Variants in SLC16A3 observed in about 807,000 individuals in gnomAD.
The protein encoded by SLC16A3 is solute carrier family 16 member 3.
A neutral mutation model predicts 25.0 loss-of-function variants in SLC16A3; 22 were observed. That is an observed-to-expected ratio of 0.88 (90% confidence interval 0.63 to 1.26). The LOEUF (loss-of-function observed/expected upper bound fraction) is 1.26. Among genes scored for constraint, SLC16A3 ranks in the 50% most tolerant of loss-of-function variants. The pLI, the probability that SLC16A3 is intolerant of heterozygous loss-of-function variation, is 0.00. For missense variants in SLC16A3, 731 were observed against 666.6 expected (o/e 1.10, Z -1.06); for synonymous variants, 390 against 309.2 (o/e 1.26, Z -2.74).
intron 1 of SLC16A3, among the ~76,000 whole-genome samples, chr17:82,222,827 T>G (rs1051649639): frequency 7.9e-5 from 11 of 138,716 alleles, no homozygotes; most frequent in Admixed American, 5.0e-4. Context: ...AAAAAAGGAA[T>G]GAAGCACTGA....
chr17:82,218,836 C>T (rs935143975), intron 1 of SLC16A3, among the ~76,000 whole-genome samples: 2 of 152,180 alleles, frequency 1.3e-5, no homozygotes, highest in Non-Finnish European at 2.9e-5. Flanking sequence ...CACTCACCTG[C>T]ATCTGTTCCA....
In SLC16A3 at chr17:82,238,817, G is replaced by A. The variant is rs2050688594; in HGVS notation, c.1239G>A (p.Lys413=). ...GCAACTTCTTCTGCATTAGGAAGAA[G>A]CCCAAAGAGCCACAGCCTGAGGTGG... The part of the protein sequence containing the change: ...LLGNFFCIRK[K]PKEPQPEVAA... Residue 413 remains lysine, a synonymous_variant, in exon 5 of 5, where the codon AAG becomes AAA. Coordinates refer to ENST00000582743, the MANE Select transcript of SLC16A3 (RefSeq NM_004207.4). The A allele has an allele frequency of 1.9e-6, 3 of 1,612,908 alleles. No individual in the cohort carries two copies. Among genetic ancestry groups the A allele is most frequent in the Non-Finnish European group, 2.5e-6 (3 of 1,179,952 alleles).
At position 82,238,254 on chromosome 17, in the gene SLC16A3, G is replaced by A. The variant is rs549661450; in HGVS notation, c.1123+361G>A. Reference sequence around the variant, plus strand: ...GAAGGATGACTGAGCTAACACGTGAGGGAAATTAAGTTCTGACTGGAGCAG... The same window carrying A: ...GAAGGATGACTGAGCTAACACGTGAAGGAAATTAAGTTCTGACTGGAGCAG... On this transcript the variant is annotated intron_variant, in intron 4 of 4. Transcript: ENST00000582743. 2.6e-5 allele frequency among the ~76,000 whole-genome samples: 4 copies of A among 152,348 alleles called. No individual in the cohort carries two copies. The South Asian group carries it at 8.3e-4, about 32-fold the overall frequency.
At chr17:82,234,087 G>C (rs540220583) in intron 1 of SLC16A3, 6 of 152,142 alleles carry the variant, frequency 3.9e-5, no homozygotes, top group Non-Finnish European at 8.8e-5. Flanking sequence ...TGATCCGCCC[G>C]CCTTGGCCCC....
intron 1 of SLC16A3, among the ~76,000 whole-genome samples, chr17:82,223,324 C>T (rs4458054): frequency 1.3e-4 from 20 of 151,904 alleles, no homozygotes; most frequent in Non-Finnish European, 2.4e-4. Flanking sequence ...TTGGGATTAC[C>T]GGCATGTGCC....
At chr17:82,226,861 C>T (rs1006724747), upstream of SLC16A3, among the ~76,000 whole-genome samples, 39 of 152,152 alleles carry the variant, frequency 2.6e-4, no homozygotes, top group Non-Finnish European at 5.9e-5. Context: ...AAGTGGCCTG[C>T]TTGATAGCTG....
chr17:82,230,875 C>T (rs1408074910), intron 1 of SLC16A3: 2 of 152,116 alleles, frequency 1.3e-5, no homozygotes, highest in Admixed American at 6.5e-5. Flanking sequence ...GCAACGGAAC[C>T]GAACCGCCGG....
chr17:82,234,303 G>A (rs1342910743), intron 1 of SLC16A3: 1 of 151,760 alleles, frequency 6.6e-6, no homozygotes, highest in African/African-American at 2.4e-5. Flanking sequence ...ACTCTGTCCT[G>A]TCCCAGGCAC....
Position 82,238,873 on chromosome 17 carries a change from C to G in SLC16A3, c.1295C>G (p.Pro432Arg), listed in dbSNP as rs150832988. 6.2e-7 allele frequency: 1 copy of G among 1,610,244 alleles called. No homozygotes were observed. Among genetic ancestry groups the G allele is most frequent in the African/African-American group, 1.3e-5 (1 of 75,042 alleles). ...GCGGAGGAGGAGAAGCTCCACAAGC[C>G]TCCTGCAGACTCGGGGGTGGACTTG... ...AAAEEEKLHKPPADSGVDLRE... is the reference protein window; with the variant it reads ...AAAEEEKLHKRPADSGVDLRE... Residue 432 changes from proline to arginine, a missense_variant, in exon 5 of 5, where the codon CCT (proline) becomes CGT (arginine). Transcript: ENST00000582743.
intron 1 of SLC16A3, among the ~76,000 whole-genome samples, chr17:82,219,889 G>A (rs2050378637): frequency 2.0e-5 from 3 of 152,152 alleles, no homozygotes; most frequent in Non-Finnish European, 2.9e-5. Context: ...TCCAAGGAGG[G>A]CAGAGGAAAC....
upstream of SLC16A3, among the ~76,000 whole-genome samples, chr17:82,226,938 T>A (rs985252811): frequency 6.6e-5 from 10 of 150,956 alleles, no homozygotes; most frequent in African/African-American, 2.2e-4. Context: ...AGCCATCACA[T>A]CACTGTGACC....
intron 4 of SLC16A3, 86 bp downstream of exon 4, chr17:82,237,979 G>T (rs563428680): frequency 6.9e-7 from 1 of 1,455,538 alleles, no homozygotes; most frequent in Non-Finnish European, 9.2e-7. Context: ...CGCACCCCTC[G>T]GCAGCCACCC....
Position 82,238,916 on chromosome 17 carries a change from C to T in SLC16A3, c.1338C>T (p.Phe446=), listed in dbSNP as rs903380447. Residue 446 remains phenylalanine (F), a synonymous_variant, in exon 5 of 5, where the codon TTC becomes TTT. Coordinates refer to ENST00000582743, the MANE Select transcript of SLC16A3 (RefSeq NM_004207.4). ...TGGACTTGCGGGAGGTGGAGCATTT[C>T]CTGAAGGCTGAGCCTGAGAAAAACG... is the stretch of plus-strand genomic sequence containing the variant. ...SGVDLREVEH[F]LKAEPEKNGE... is the part of the protein sequence containing the mutation. 5.0e-6 allele frequency: 8 copies of T among 1,592,226 alleles called. No homozygotes were observed. In the African/African-American group the frequency reaches 8.1e-5, roughly 16 times the overall value.
chr17:82,233,150 C>T (rs992786952), intron 1 of SLC16A3, among the ~76,000 whole-genome samples: 1 of 152,202 alleles, frequency 6.6e-6, no homozygotes, highest in East Asian at 1.9e-4. Context: ...CCTGTGGAAT[C>T]CCTTGCCCCA....
At chr17:82,227,134 G>A (rs2050427724), upstream of SLC16A3, among the ~76,000 whole-genome samples, 1 of 152,170 alleles carries the variant, frequency 6.6e-6, no homozygotes, top group African/African-American at 2.4e-5. Flanking sequence ...GCCAGGCCTG[G>A]GGGTCAGAAC....
At position 82,237,751 on chromosome 17, in the gene SLC16A3, C is replaced by T. The variant is rs769448113; in HGVS notation, c.981C>T (p.Phe327=). ...GCGGCCTCGTGGTCTTCTGCATCTT[C>T]TTTGGCATCTCCTACGGCATGGTGG... ...DYGGLVVFCI[F]FGISYGMVGA... Residue 327 remains phenylalanine (F), a synonymous_variant, in exon 4 of 5, where the codon TTC becomes TTT. Transcript: ENST00000582743. The T allele has an allele frequency of 1.2e-6, 2 of 1,612,198 alleles. No homozygotes were observed. The highest frequency in any genetic ancestry group is 2.2e-5 in the South Asian group (2 of 91,088).
intron 1 of SLC16A3, chr17:82,234,060 T>A (rs992145503): frequency 1.3e-5 from 2 of 151,862 alleles, no homozygotes; most frequent in African/African-American, 2.4e-5. Flanking sequence ...CAGGATGGTC[T>A]CGATCTCCTG....
At chr17:82,225,761 C>T (rs1273429170), upstream of SLC16A3, among the ~76,000 whole-genome samples, 5 of 152,126 alleles carry the variant, frequency 3.3e-5, no homozygotes, top group Admixed American at 1.3e-4. Flanking sequence ...AAATGGTGTG[C>T]GGGGTTCCCA....
chr17:82,227,530 C>T (rs1441202091), upstream of SLC16A3, among the ~76,000 whole-genome samples: 1 of 152,060 alleles, frequency 6.6e-6, no homozygotes, highest in African/African-American at 2.4e-5. Context: ...CTGCTGCTCT[C>T]CCTCCTCAGA....
Sources: allele counts gnomAD v4.1 joint callset (sites outside exome capture counted in the v4.1 genomes callset), GRCh38; gene constraint gnomAD v4.1.1; transcripts MANE v1.5; gene names NCBI Gene and HGNC (gene_info 2026-07-23, HGNC 2026-07-21).